Variants in MMP16 observed in about 807,000 individuals in gnomAD.
MMP16 encodes the protein matrix metallopeptidase 16.
Under a neutral mutation model 67.8 loss-of-function variants are expected in MMP16, and 12 were observed. The observed-to-expected ratio is 0.18, with a 90% CI of 0.11 to 0.29. MMP16 has a LOEUF of 0.29. Ranked by LOEUF, MMP16 falls within the 10% of genes least tolerant of loss-of-function variation. The pLI is 1.00. For missense variants in MMP16, 475 were observed against 765.7 expected (o/e 0.62, Z 4.48); for synonymous variants, 249 against 255.9 (o/e 0.97, Z 0.26).
chr8:88,241,912 T>A (rs1810039827), intron 1 of MMP16, among the ~76,000 whole-genome samples: 1 of 152,160 alleles, frequency 6.6e-6, no homozygotes, highest in Non-Finnish European at 1.5e-5. Flanking sequence ...TATTTTTAGC[T>A]AAGACGGATA....
rs549544315 is a variant in MMP16, at chr8:88,037,742, T to G, written c.*3719A>C. The G allele has an allele frequency of 2.0e-5, 3 of 152,114 alleles. No individual in the cohort carries two copies. The East Asian group carries it at 5.8e-4, about 29-fold the overall frequency. The allele number at this position is 152,114 out of a possible 1,614,324, so 9.4% of individuals were successfully genotyped here. On this transcript the variant is annotated 3_prime_UTR_variant, in exon 10 of 10. Transcript: ENST00000286614. Reference sequence around the variant, plus strand: ...CAGCTATTTTAATACTTCATTGCATTTGTTTAATAATACACAGAACAACAA... The same window carrying G: ...CAGCTATTTTAATACTTCATTGCATGTGTTTAATAATACACAGAACAACAA...
At chr8:88,117,115 C>T (rs567009445) in intron 5 of MMP16, among the ~76,000 whole-genome samples, 11 of 152,166 alleles carry the variant, frequency 7.2e-5, no homozygotes, top group African/African-American at 2.2e-4. Context: ...TCCTAGATTT[C>T]GATAGATAAT....
At chr8:88,272,216 G>A (rs1810575182) in intron 1 of MMP16, among the ~76,000 whole-genome samples, 1 of 152,020 alleles carries the variant, frequency 6.6e-6, no homozygotes, top group Admixed American at 6.6e-5. Context: ...GGCTATAATG[G>A]TATCATATTG....
chr8:88,167,742 A>G lies in MMP16; in HGVS notation c.636T>C (p.Pro212=). The change falls in exon 4 of 10, where the codon CCT becomes CCC. Residue 212 remains proline, a synonymous_variant. Coordinates refer to ENST00000286614, the MANE Select transcript of MMP16 (RefSeq NM_005941.5). ...GGGTATCTCCTCCAATTCCTGGTCCAGGGAAGTAGGCATGTGCCAAAAATC... is the reference window on the plus strand; with the variant it reads ...GGGTATCTCCTCCAATTCCTGGTCCGGGGAAGTAGGCATGTGCCAAAAATC... The part of the protein sequence containing the change: ...EGGFLAHAYF[P]GPGIGGDTHF... The G allele has an allele frequency of 6.2e-7, 1 of 1,613,966 alleles. No homozygotes were observed. Among genetic ancestry groups the G allele is most frequent in the Non-Finnish European group, 8.5e-7 (1 of 1,179,948 alleles).
chr8:88,201,125 C>A, intron 1 of MMP16, among the ~76,000 whole-genome samples: 1 of 124,866 alleles, frequency 8.0e-6, no homozygotes, highest in African/African-American at 3.1e-5. Flanking sequence ...TGATTAATTG[C>A]AGACATCCTT....
At chr8:88,185,042 G>C (rs1466270184) in intron 3 of MMP16, among the ~76,000 whole-genome samples, 1 of 152,090 alleles carries the variant, frequency 6.6e-6, no homozygotes, top group Non-Finnish European at 1.5e-5. Flanking sequence ...CATGGGCTTG[G>C]CCTAAAGCTG....
intron 7 of MMP16, among the ~76,000 whole-genome samples, chr8:88,062,934 C>T (rs953432946): frequency 2.0e-5 from 3 of 151,828 alleles, no homozygotes; most frequent in Non-Finnish European, 4.4e-5. Flanking sequence ...TTTTAACTAC[C>T]CTACCATCAG....
intron 1 of MMP16, among the ~76,000 whole-genome samples, chr8:88,243,371 C>G (rs533704160): frequency 4.0e-4 from 61 of 152,274 alleles, no homozygotes; most frequent in Non-Finnish European, 7.1e-4. Flanking sequence ...ACGGAAGCCT[C>G]CTCAGAATGT....
chr8:88,077,045 A>C (rs1298615426), intron 6 of MMP16, among the ~76,000 whole-genome samples: 1 of 152,172 alleles, frequency 6.6e-6, no homozygotes, highest in Admixed American at 6.5e-5. Context: ...GCCACTAATA[A>C]GGGGAGAAGT....
chr8:88,070,853 TC>T (rs1808540733), intron 7 of MMP16, among the ~76,000 whole-genome samples: 1 of 152,128 alleles, frequency 6.6e-6, no homozygotes, highest in African/African-American at 2.4e-5. Flanking sequence ...GTCAATTTTT[TC>T]CTTGTTTTCA....
intron 4 of MMP16, among the ~76,000 whole-genome samples, chr8:88,142,282 C>T (rs759482581): frequency 6.6e-6 from 1 of 152,016 alleles, no homozygotes; most frequent in Non-Finnish European, 1.5e-5. Flanking sequence ...TTAAAATAAT[C>T]CTATTATATT....
intron 1 of MMP16, chr8:88,326,764 C>T (rs1586022189): frequency 8.5e-6 from 2 of 234,280 alleles, no homozygotes; most frequent in East Asian, 9.0e-5. Flanking sequence ...TAAACTCAAG[C>T]TGCCTTATTT....
chr8:88,077,344 C>T (rs971138645), intron 6 of MMP16, among the ~76,000 whole-genome samples: 7 of 152,284 alleles, frequency 4.6e-5, no homozygotes, highest in African/African-American at 1.7e-4. Flanking sequence ...AGAAAAGATA[C>T]TTAAAATGCT....
At chr8:88,093,041 G>A (rs1277208746) in intron 6 of MMP16, among the ~76,000 whole-genome samples, 2 of 151,784 alleles carry the variant, frequency 1.3e-5, no homozygotes, top group Admixed American at 1.3e-4. Context: ...CGGAGGTTTT[G>A]CAATGGGCAA....
intron 7 of MMP16, among the ~76,000 whole-genome samples, chr8:88,056,661 G>A (rs572026731): frequency 6.6e-6 from 1 of 152,212 alleles, no homozygotes; most frequent in East Asian, 1.9e-4. Context: ...CCTGTATTTT[G>A]AGCAACGGGT....
intron 1 of MMP16, among the ~76,000 whole-genome samples, chr8:88,216,361 T>G (rs1160371940): frequency 6.6e-6 from 1 of 152,190 alleles, no homozygotes; most frequent in Non-Finnish European, 1.5e-5. Flanking sequence ...GAAAGAATGC[T>G]TCAATACCCT....
At chr8:88,224,400 G>A (rs138863564) in intron 1 of MMP16, among the ~76,000 whole-genome samples, 8 of 151,924 alleles carry the variant, frequency 5.3e-5, no homozygotes, top group African/African-American at 1.9e-4. Flanking sequence ...GGTAACTTTT[G>A]TCCATTAATA....
At chr8:88,225,649 A>G (rs1453595667) in intron 1 of MMP16, among the ~76,000 whole-genome samples, 1 of 151,914 alleles carries the variant, frequency 6.6e-6, no homozygotes, top group Non-Finnish European at 1.5e-5. Flanking sequence ...CCATGCACAC[A>G]CCTACAATAA....
intron 4 of MMP16, among the ~76,000 whole-genome samples, chr8:88,161,307 T>C (rs1808618206): frequency 6.6e-6 from 1 of 152,236 alleles, no homozygotes; most frequent in Non-Finnish European, 1.5e-5. Flanking sequence ...TTTATCCATT[T>C]CTTCTAGATT....
Sources: gnomAD v4.1 joint callset for allele counts (sites outside exome capture counted in the v4.1 genomes callset) on GRCh38, gnomAD v4.1.1 for gene constraint, MANE v1.5 for transcripts, NCBI Gene and HGNC (gene_info 2026-07-23, HGNC 2026-07-21) for gene names.